The following LUZP2 variants were observed in gnomAD, a reference collection of about 807,000 sequenced individuals.
The protein encoded by LUZP2 is leucine zipper protein 2.
In LUZP2, 52 loss-of-function variants were observed where a neutral mutation model predicts 51.6. The observed-to-expected ratio is 1.01, with a 90% CI of 0.81 to 1.27. LUZP2 has a LOEUF of 1.27. LUZP2 is among the 50% of genes most tolerant of loss of function. The pLI is 0.00. For synonymous variants in LUZP2, 154 were observed against 137.3 expected, an observed-to-expected ratio of 1.12 and a Z score of -0.85; for missense variants, 436 against 395.4, an observed-to-expected ratio of 1.10 and a Z score of -0.87.
chr11:24,763,856 A>G (rs755864977), intron 5 of LUZP2, among the ~76,000 whole-genome samples: 1 of 152,100 alleles, frequency 6.6e-6, no homozygotes, highest in African/African-American at 2.4e-5. Flanking sequence ...TAATTTCTCC[A>G]TTACCTATTT....
chr11:24,778,950 G>T (rs987863655), intron 5 of LUZP2, among the ~76,000 whole-genome samples: 2 of 152,094 alleles, frequency 1.3e-5, no homozygotes, highest in Non-Finnish European at 2.9e-5. Flanking sequence ...CCAACTGAGT[G>T]GTCATTAGTA....
intron 1 of LUZP2, among the ~76,000 whole-genome samples, chr11:24,603,695 G>T (rs1853819561): frequency 6.6e-6 from 1 of 151,646 alleles, no homozygotes; most frequent in Non-Finnish European, 1.5e-5. Context: ...ATAAAATGAA[G>T]GTGTGATCTA....
chr11:24,583,700 A>G (rs1012939538), intron 1 of LUZP2, among the ~76,000 whole-genome samples: 1 of 148,042 alleles, frequency 6.8e-6, no homozygotes, highest in African/African-American at 2.5e-5. Flanking sequence ...GTCGATGTAT[A>G]CCTTACTTTT....
intron 1 of LUZP2, among the ~76,000 whole-genome samples, chr11:24,570,962 TG>T (rs1446616996): frequency 6.6e-6 from 1 of 152,048 alleles, no homozygotes; most frequent in Non-Finnish European, 1.5e-5. Context: ...GTTCAAATAT[TG>T]AAAAAGTTAA....
At chr11:24,723,693 T>C (rs569400527) in intron 1 of LUZP2, among the ~76,000 whole-genome samples, 16 of 152,020 alleles carry the variant, frequency 1.1e-4, no homozygotes, top group Non-Finnish European at 2.1e-4. Flanking sequence ...GCCCTGAGTA[T>C]GGTGATGTGT....
chr11:25,055,646 AT>A (rs1049321255), intron 10 of LUZP2, among the ~76,000 whole-genome samples: 2 of 152,130 alleles, frequency 1.3e-5, no homozygotes, highest in Admixed American at 1.3e-4. Context: ...CTCTTATCTA[AT>A]TTCGCTTATC....
At chr11:24,877,328 A>C (rs1311844608) in intron 5 of LUZP2, among the ~76,000 whole-genome samples, 5 of 152,180 alleles carry the variant, frequency 3.3e-5, no homozygotes, top group Non-Finnish European at 7.4e-5. Context: ...GTAAGTCATT[A>C]ACTCTCTGAT....
intron 5 of LUZP2, among the ~76,000 whole-genome samples, chr11:24,886,858 T>C (rs1852681897): frequency 6.6e-6 from 1 of 152,202 alleles, no homozygotes; most frequent in African/African-American, 2.4e-5. Context: ...GTTCCCTGCC[T>C]GCTAATACCA....
chr11:24,937,047 AAC>A lies in LUZP2; in HGVS notation c.522+22533_522+22534del, dbSNP rs138164177. Among the ~76,000 whole-genome samples, 1,103 of 149,468 alleles carry A rather than the reference AAC, an allele frequency of 7.4e-3. 12 individuals are homozygous for A. Among genetic ancestry groups the A allele is most frequent in the African/African-American group, 0.021 (865 of 40,882 alleles). On this transcript the variant is annotated intron_variant, in intron 7 of 11. Coordinates refer to ENST00000336930, the MANE Select transcript of LUZP2 (RefSeq NM_001009909.4). ...TCAATCAGTGCCTCCTGCAATGAGA[AAC>A]ACACACACACACACACACACACATG...
At chr11:24,734,445 G>C (rs1476908105) in intron 3 of LUZP2, among the ~76,000 whole-genome samples, 1 of 151,842 alleles carries the variant, frequency 6.6e-6, no homozygotes, top group Non-Finnish European at 1.5e-5. Context: ...TAAACTACCA[G>C]ATGATAGAAC....
chr11:24,837,556 G>A lies in LUZP2; in HGVS notation c.397-68435G>A, dbSNP rs78986838. 4.5e-3 allele frequency among the ~76,000 whole-genome samples: 685 copies of A among 151,764 alleles called. 7 individuals are homozygous for A. Among genetic ancestry groups the A allele is most frequent in the African/African-American group, 0.016 (662 of 41,500 alleles). On this transcript the variant is annotated intron_variant, in intron 5 of 11. Coordinates refer to ENST00000336930, the MANE Select transcript of LUZP2 (RefSeq NM_001009909.4). ...TTCTGCATTTTTAAAATAACTTGTG[G>A]AAGAGTAATATCTAATTCAGGAAAA...
intron 7 of LUZP2, among the ~76,000 whole-genome samples, chr11:24,929,709 A>C (rs1854389437): frequency 6.6e-6 from 1 of 152,106 alleles, no homozygotes; most frequent in Non-Finnish European, 1.5e-5. Context: ...GTTTGGTACA[A>C]TGTTCTGTAA....
At chr11:24,649,934 G>A (rs553816801) in intron 1 of LUZP2, among the ~76,000 whole-genome samples, 1 of 150,078 alleles carries the variant, frequency 6.7e-6, no homozygotes, top group East Asian at 2.0e-4. Flanking sequence ...TCACCTCTAA[G>A]CTTTATACAC....
chr11:24,740,886 G>A (rs1173971607), intron 4 of LUZP2, among the ~76,000 whole-genome samples: 1 of 152,022 alleles, frequency 6.6e-6, no homozygotes, highest in African/African-American at 2.4e-5. Flanking sequence ...TATATGAGAT[G>A]ATGCATGCAC....
At chr11:24,775,128 C>A (rs573152413) in intron 5 of LUZP2, among the ~76,000 whole-genome samples, 1 of 151,942 alleles carries the variant, frequency 6.6e-6, no homozygotes, top group Non-Finnish European at 1.5e-5. Flanking sequence ...ACGACAATAA[C>A]CCAGAAAAGT....
chr11:24,617,815 G>A (rs1854339662), intron 1 of LUZP2, among the ~76,000 whole-genome samples: 1 of 151,968 alleles, frequency 6.6e-6, no homozygotes, highest in South Asian at 2.1e-4. Context: ...GACAGAGTAA[G>A]ACTCTGCCTC....
At chr11:24,925,428 C>G (rs1022228040) in intron 7 of LUZP2, among the ~76,000 whole-genome samples, 1 of 152,156 alleles carries the variant, frequency 6.6e-6, no homozygotes, top group African/African-American at 2.4e-5. Context: ...GAACCAACAG[C>G]TTAGAAGTAA....
At chr11:25,015,231 T>G (rs886640442) in intron 9 of LUZP2, among the ~76,000 whole-genome samples, 7 of 152,204 alleles carry the variant, frequency 4.6e-5, no homozygotes, top group Admixed American at 3.3e-4. Context: ...AATAAACTTT[T>G]AGTTTGGAAT....
intron 1 of LUZP2, among the ~76,000 whole-genome samples, chr11:24,678,117 T>C (rs1856627853): frequency 6.6e-6 from 1 of 151,900 alleles, no homozygotes. Context: ...TGTATTATTT[T>C]TTGTTGTTTT....
Sources: allele counts gnomAD v4.1 joint callset (sites outside exome capture counted in the v4.1 genomes callset), GRCh38; gene constraint gnomAD v4.1.1; transcripts MANE v1.5; gene names NCBI Gene and HGNC (gene_info 2026-07-23, HGNC 2026-07-21).